Variants in SETBP1 observed in about 807,000 individuals in gnomAD.
SETBP1 encodes the protein SET binding protein 1.
A neutral mutation model predicts 101.0 loss-of-function variants in SETBP1; 9 were observed. The ratio of observed to expected loss-of-function variants is 0.09; its 90% confidence interval spans 0.05 to 0.16. The LOEUF (loss-of-function observed/expected upper bound fraction) is 0.16, where lower values mean the gene tolerates loss of function less well. Ranked by LOEUF, SETBP1 falls within the 10% of genes least tolerant of loss-of-function variation. The pLI, the probability that SETBP1 is intolerant of heterozygous loss-of-function variation, is 1.00. For missense variants in SETBP1, 1,858 were observed against 2,033.8 expected, an observed-to-expected ratio of 0.91 and a Z score of 1.66; for synonymous variants, 818 against 788.5, an observed-to-expected ratio of 1.04 and a Z score of -0.63.
At chr18:44,703,687 A>C (rs1002879933) in intron 2 of SETBP1, among the ~76,000 whole-genome samples, 3 of 152,046 alleles carry the variant, frequency 2.0e-5, no homozygotes, top group Non-Finnish European at 2.9e-5. Context: ...AACTTTTAGA[A>C]ATTGGTTTGT....
At chr18:44,883,947 AT>A (rs2069585764) in intron 3 of SETBP1, among the ~76,000 whole-genome samples, 1 of 152,202 alleles carries the variant, frequency 6.6e-6, no homozygotes, top group African/African-American at 2.4e-5. Context: ...TGTACAAAAG[AT>A]TTAGCACTTC....
intron 3 of SETBP1, among the ~76,000 whole-genome samples, chr18:44,902,760 A>AT (rs968115418): frequency 1.6e-4 from 24 of 152,108 alleles, no homozygotes; most frequent in Non-Finnish European, 2.6e-4. Flanking sequence ...TCTTTATGGT[A>AT]TTTTCAGAAT....
At chr18:44,928,783 T>C (rs2070759723) in intron 3 of SETBP1, among the ~76,000 whole-genome samples, 1 of 152,222 alleles carries the variant, frequency 6.6e-6, no homozygotes, top group Non-Finnish European at 1.5e-5. Context: ...GATTGTTTGA[T>C]TTTTCCTTGT....
At chr18:45,032,079 A>G (rs2073308541) in intron 4 of SETBP1, among the ~76,000 whole-genome samples, 2 of 151,958 alleles carry the variant, frequency 1.3e-5, no homozygotes, top group Non-Finnish European at 2.9e-5. Context: ...TAATATTGAG[A>G]GTTCTGTACC....
chr18:44,836,427 GC>G (rs2072496335), intron 2 of SETBP1, among the ~76,000 whole-genome samples: 2 of 152,070 alleles, frequency 1.3e-5, no homozygotes, highest in African/African-American at 4.8e-5. Context: ...GTGCCCTTAG[GC>G]CCAGCCAGGC....
chr18:44,720,908 C>CCA (rs922795822), intron 2 of SETBP1, among the ~76,000 whole-genome samples: 1 of 34,622 alleles, frequency 2.9e-5, no homozygotes, highest in African/African-American at 1.2e-4. Context: ...CCAACCCCCA[C>CCA]CCCCCACCCC....
intron 3 of SETBP1, among the ~76,000 whole-genome samples, chr18:44,885,860 A>AAAAAAAAAAAAAC: frequency 7.2e-6 from 1 of 138,894 alleles, no homozygotes; most frequent in South Asian, 2.3e-4. Context: ...AAAAAAACAA[A>AAAAAAAAAAAAAC]AAAAAAAACA....
chr18:44,778,235 T>G (rs531495320), intron 2 of SETBP1, among the ~76,000 whole-genome samples: 19 of 152,196 alleles, frequency 1.2e-4, no homozygotes, highest in Non-Finnish European at 2.4e-4. Context: ...CGTAAGATCC[T>G]CTGGAGTAGA....
chr18:44,814,586 C>G (rs1309503855), intron 2 of SETBP1, among the ~76,000 whole-genome samples: 1 of 152,152 alleles, frequency 6.6e-6, no homozygotes, highest in Non-Finnish European at 1.5e-5. Flanking sequence ...AATTCCTTCT[C>G]TATGTAACCG....
chr18:44,972,166 G>A (rs1175178765), intron 4 of SETBP1, among the ~76,000 whole-genome samples: 1 of 151,970 alleles, frequency 6.6e-6, no homozygotes, highest in Non-Finnish European at 1.5e-5. Flanking sequence ...TGTCAGGTTT[G>A]TCAAAGATCA....
intron 3 of SETBP1, among the ~76,000 whole-genome samples, chr18:44,886,187 C>CTACGG: frequency 6.6e-6 from 1 of 152,250 alleles, no homozygotes; most frequent in South Asian, 2.1e-4. Flanking sequence ...TGTGTCTTTG[C>CTACGG]TACGGTGTGT....
At chr18:45,053,732 A>G (rs1379559693) in intron 5 of SETBP1, among the ~76,000 whole-genome samples, 1 of 151,942 alleles carries the variant, frequency 6.6e-6, no homozygotes, top group Admixed American at 6.6e-5. Context: ...TCCTATGTTC[A>G]TGTTTGCTAT....
At chr18:45,026,766 T>A (rs992346866) in intron 4 of SETBP1, among the ~76,000 whole-genome samples, 1 of 152,166 alleles carries the variant, frequency 6.6e-6, no homozygotes, top group Non-Finnish European at 1.5e-5. Flanking sequence ...TTTTGTTTGG[T>A]TCTGTCCATC....
At position 44,801,130 on chromosome 18, in the gene SETBP1, G is replaced by A. The variant is rs532703352; in HGVS notation, c.487-68100G>A. 4.9e-4 allele frequency among the ~76,000 whole-genome samples: 75 copies of A among 152,272 alleles called. 1 individual carries two copies. The highest frequency in any genetic ancestry group is 1.7e-3 in the African/African-American group (71 of 41,558). On this transcript the variant is annotated intron_variant, in intron 2 of 5. Transcript: ENST00000649279. Reference sequence around the variant, plus strand: ...GGAATATCACACACCGGGGCCTGTCGTGGGGTAGGAGGAGCGGGGAGGGAT... The same window carrying A: ...GGAATATCACACACCGGGGCCTGTCATGGGGTAGGAGGAGCGGGGAGGGAT...
intron 4 of SETBP1, among the ~76,000 whole-genome samples, chr18:45,026,927 G>C (rs1654709647): frequency 6.6e-6 from 1 of 152,108 alleles, no homozygotes. Flanking sequence ...GTATATATGT[G>C]CTTCTCCCTC....
chr18:45,038,356 C>A (rs1372609305), intron 4 of SETBP1, 129 bp from the exon 5 acceptor site: 2 of 896,282 alleles, frequency 2.2e-6, no homozygotes, highest in East Asian at 2.5e-5. Context: ...TTTTAAATTT[C>A]ATTCTTGTTG....
chr18:44,845,425 A>C (rs901936671), intron 2 of SETBP1, among the ~76,000 whole-genome samples: 2 of 152,208 alleles, frequency 1.3e-5, no homozygotes, highest in Admixed American at 6.5e-5. Context: ...ATTAACCTAC[A>C]TGGTGCCAGA....
intron 2 of SETBP1, among the ~76,000 whole-genome samples, chr18:44,705,899 C>T (rs944726809): frequency 6.6e-6 from 1 of 152,162 alleles, no homozygotes; most frequent in African/African-American, 2.4e-5. Flanking sequence ...GGAAGTACTA[C>T]CTCCCTGGCT....
intron 4 of SETBP1, among the ~76,000 whole-genome samples, chr18:44,965,249 C>T (rs1424100347): frequency 6.7e-6 from 1 of 149,008 alleles, no homozygotes; most frequent in Non-Finnish European, 1.5e-5. Context: ...TCACTTCGCA[C>T]ACATACAACA....
Sources: allele counts gnomAD v4.1 joint callset (sites outside exome capture counted in the v4.1 genomes callset), GRCh38; gene constraint gnomAD v4.1.1; transcripts MANE v1.5; gene names NCBI Gene and HGNC (gene_info 2026-07-23, HGNC 2026-07-21).